The following OPCML variants were observed in gnomAD, a reference collection of about 807,000 sequenced individuals.
The protein encoded by OPCML is opioid binding protein/cell adhesion molecule like.
In OPCML, 13 loss-of-function variants were observed where a neutral mutation model predicts 37.8. The ratio of observed to expected loss-of-function variants is 0.34; its 90% CI spans 0.22 to 0.55. OPCML has a LOEUF of 0.55. Among genes scored for constraint, OPCML ranks in the 20% least tolerant of loss-of-function variants. The probability of loss-of-function intolerance (pLI) is 0.91; values close to 1 mark genes in which losing one functional copy is unlikely to be tolerated. For synonymous variants in OPCML, 176 were observed against 168.8 expected, an observed-to-expected ratio of 1.04 and a Z score of -0.33; for missense variants, 341 against 435.6, an observed-to-expected ratio of 0.78 and a Z score of 1.93.
At chr11:132,714,777 G>A (rs1251993696) in intron 2 of OPCML, among the ~76,000 whole-genome samples, 2 of 152,190 alleles carry the variant, frequency 1.3e-5, no homozygotes, top group African/African-American at 2.4e-5. Flanking sequence ...CCATTCGACA[G>A]GTGATACAGA....
intron 2 of OPCML, among the ~76,000 whole-genome samples, chr11:132,742,160 C>T (rs751092602): frequency 3.3e-5 from 5 of 152,168 alleles, no homozygotes; most frequent in African/African-American, 4.8e-5. Context: ...TAACCGCAGT[C>T]GTATCCACAT....
At chr11:132,818,164 A>G (rs769490921) in intron 2 of OPCML, among the ~76,000 whole-genome samples, 85 of 152,340 alleles carry the variant, frequency 5.6e-4, no homozygotes, top group Middle Eastern at 3.4e-3. Context: ...AAACAACTGT[A>G]GAAATACTGA....
intron 1 of OPCML, among the ~76,000 whole-genome samples, chr11:133,445,343 T>C (rs1565637784): frequency 6.6e-6 from 1 of 152,216 alleles, no homozygotes; most frequent in Non-Finnish European, 1.5e-5. Flanking sequence ...GCTGTTGACA[T>C]GAGCTTATGC....
chr11:133,239,725 T>C (rs1940654558), intron 1 of OPCML, among the ~76,000 whole-genome samples: 1 of 152,102 alleles, frequency 6.6e-6, no homozygotes, highest in African/African-American at 2.4e-5. Flanking sequence ...AGTCAGGCAG[T>C]GTGAGATGAC....
intron 2 of OPCML, among the ~76,000 whole-genome samples, chr11:132,815,353 T>C (rs1234187563): frequency 6.6e-6 from 1 of 152,182 alleles, no homozygotes; most frequent in African/African-American, 2.4e-5. Flanking sequence ...AGGGACCTCC[T>C]GTGAAGTACG....
intron 1 of OPCML, among the ~76,000 whole-genome samples, chr11:133,513,229 T>C (rs1228087065): frequency 6.6e-6 from 1 of 152,148 alleles, no homozygotes; most frequent in Admixed American, 6.5e-5. Flanking sequence ...CATTGAGAAA[T>C]GTGTGGGGTT....
intron 1 of OPCML, among the ~76,000 whole-genome samples, chr11:133,012,660 G>A (rs1319124728): frequency 3.3e-5 from 5 of 152,120 alleles, no homozygotes; most frequent in Non-Finnish European, 7.4e-5. Context: ...TGGATCACCT[G>A]AGGTCAGGAG....
At chr11:133,333,538 C>T (rs1943673424) in intron 1 of OPCML, among the ~76,000 whole-genome samples, 1 of 152,186 alleles carries the variant, frequency 6.6e-6, no homozygotes, top group African/African-American at 2.4e-5. Flanking sequence ...ACTATAAAAA[C>T]TCTGGAAGAT....
At chr11:132,917,933 A>G (rs1944660035) in intron 2 of OPCML, among the ~76,000 whole-genome samples, 1 of 152,302 alleles carries the variant, frequency 6.6e-6, no homozygotes, top group South Asian at 2.1e-4. Context: ...CTTTTAATCT[A>G]TGGTGCTCCA....
chr11:132,678,799 G>T (rs1942818779), intron 2 of OPCML, among the ~76,000 whole-genome samples: 1 of 152,150 alleles, frequency 6.6e-6, no homozygotes, highest in South Asian at 2.1e-4. Context: ...TACTAGCGTG[G>T]TGGCTCTATC....
At chr11:133,446,504 A>G (rs184031504) in intron 1 of OPCML, among the ~76,000 whole-genome samples, 71 of 152,062 alleles carry the variant, frequency 4.7e-4, no homozygotes, top group African/African-American at 1.7e-3. Flanking sequence ...AGCTCGTTGC[A>G]ATTTCCAACT....
chr11:132,615,178 T>C (rs1938924801), intron 3 of OPCML, among the ~76,000 whole-genome samples: 1 of 152,228 alleles, frequency 6.6e-6, no homozygotes, highest in Admixed American at 6.5e-5. Flanking sequence ...ATAACAATTT[T>C]AAAAGAGTAA....
chr11:133,377,044 A>G (rs1020695388), intron 1 of OPCML, among the ~76,000 whole-genome samples: 1 of 152,042 alleles, frequency 6.6e-6, no homozygotes, highest in African/African-American at 2.4e-5. Flanking sequence ...GAGCGGGACT[A>G]TGTAGTGTAG....
intron 1 of OPCML, among the ~76,000 whole-genome samples, chr11:133,279,062 T>A (rs939674959): frequency 6.6e-6 from 1 of 152,202 alleles, no homozygotes; most frequent in African/African-American, 2.4e-5. Flanking sequence ...GGTCTTGTTC[T>A]CCAGACCTTG....
Position 133,354,068 on chromosome 11 carries a change from C to T in OPCML, c.61+178196G>A, listed in dbSNP as rs556031650. Among the ~76,000 whole-genome samples, 4 of 152,126 alleles carry T rather than the reference C, an allele frequency of 2.6e-5. No homozygotes were observed. The South Asian group carries it at 8.3e-4, about 32-fold the overall frequency. On this transcript the variant is annotated intron_variant, in intron 1 of 7. Transcript: ENST00000524381. ...TCCTCTCTATACTAAAGCCTAAAAC[C>T]CATTTTTAAGTCTATCTGTGCTATG...
chr11:132,836,633 T>C (rs1185948449), intron 2 of OPCML, among the ~76,000 whole-genome samples: 4 of 152,200 alleles, frequency 2.6e-5, no homozygotes, highest in Admixed American at 2.6e-4. Flanking sequence ...CATCTTTTGG[T>C]CGCCATTATA....
chr11:132,505,662 A>G (rs1452579491), intron 4 of OPCML, among the ~76,000 whole-genome samples: 2 of 152,230 alleles, frequency 1.3e-5, no homozygotes, highest in Admixed American at 6.5e-5. Context: ...GAAGTAAAAC[A>G]TATCAGATGT....
At chr11:133,168,201 T>C (rs1592067185) in intron 1 of OPCML, among the ~76,000 whole-genome samples, 1 of 152,118 alleles carries the variant, frequency 6.6e-6, no homozygotes, top group South Asian at 2.1e-4. Context: ...GTGAAATGCC[T>C]CCCCGAATTG....
intron 1 of OPCML, among the ~76,000 whole-genome samples, chr11:133,436,352 C>T (rs1299975235): frequency 1.3e-5 from 2 of 152,278 alleles, no homozygotes; most frequent in South Asian, 2.1e-4. Context: ...AGTGAGGCAA[C>T]GGGTAAGGAA....
Sources: gnomAD v4.1 joint callset for allele counts (sites outside exome capture counted in the v4.1 genomes callset) on GRCh38, gnomAD v4.1.1 for gene constraint, MANE v1.5 for transcripts, NCBI Gene and HGNC (gene_info 2026-07-23, HGNC 2026-07-21) for gene names.